Variants in TLN2 observed in about 807,000 individuals in gnomAD.
TLN2 encodes the protein talin 2.
In TLN2, 118 loss-of-function variants were observed where a neutral mutation model predicts 294.7. That is an observed-to-expected ratio of 0.40 (90% CI 0.34 to 0.47). The LOEUF (loss-of-function observed/expected upper bound fraction) is 0.47, where lower values mean the gene tolerates loss of function less well. Ranked by LOEUF, TLN2 falls within the 20% of genes least tolerant of loss-of-function variation. The probability of loss-of-function intolerance (pLI) is 0.84; values close to 1 mark genes in which losing one functional copy is unlikely to be tolerated. For synonymous variants in TLN2, 1,431 were observed against 1,304.5 expected (o/e 1.10, Z -2.09); for missense variants, 3,083 against 3,282.2 (o/e 0.94, Z 1.48).
chr15:62,718,624 A>G (rs2059931951), intron 24 of TLN2, among the ~76,000 whole-genome samples: 1 of 152,192 alleles, frequency 6.6e-6, no homozygotes. Context: ...GTGACATAGT[A>G]GGGTCCTGGG....
intron 1 of TLN2, among the ~76,000 whole-genome samples, chr15:62,430,811 C>T (rs755052577): frequency 6.6e-6 from 1 of 151,566 alleles, no homozygotes; most frequent in Non-Finnish European, 1.5e-5. Flanking sequence ...GTGAGTAATT[C>T]AGGATAAATT....
chr15:62,797,454 C>G (rs777609926), intron 48 of TLN2, 52 bp downstream of exon 48: 1 of 1,515,764 alleles, frequency 6.6e-7, no homozygotes, highest in South Asian at 1.3e-5. Context: ...GTGAACGCTG[C>G]ACATCGGGCC....
At chr15:62,463,747 CG>C (rs1200676492) in intron 1 of TLN2, among the ~76,000 whole-genome samples, 2 of 152,084 alleles carry the variant, frequency 1.3e-5, no homozygotes, top group Non-Finnish European at 2.9e-5. Flanking sequence ...ATTAGCCAGG[CG>C]TGGTGGTGGG....
At chr15:62,833,132 C>G (rs1378000491) in intron 54 of TLN2, 1 of 155,668 alleles carries the variant, frequency 6.4e-6, no homozygotes, top group African/African-American at 2.4e-5. Context: ...TGCTGTTGTA[C>G]AACAGTGTCA....
chr15:62,441,407 T>G (rs1041063489), intron 1 of TLN2, among the ~76,000 whole-genome samples: 10 of 152,220 alleles, frequency 6.6e-5, no homozygotes, highest in African/African-American at 1.7e-4. Flanking sequence ...TTTTAACTTG[T>G]GTGAGCTTCA....
chr15:62,620,827 CTTTCTTTTTCTTTTTTTTT>C (rs1567204719), intron 3 of TLN2, among the ~76,000 whole-genome samples: 3 of 120,640 alleles, frequency 2.5e-5, no homozygotes, highest in African/African-American at 1.1e-4. Flanking sequence ...TTTTTTTTTT[CTTTCTTTTTCTTTTTTTTT>C]TTTTTTTTTT....
intron 1 of TLN2, among the ~76,000 whole-genome samples, chr15:62,435,637 G>A (rs2035250131): frequency 6.6e-6 from 1 of 152,170 alleles, no homozygotes. Context: ...TGCCTCCCGG[G>A]TTCGAGCAAC....
chr15:62,825,915 C>A (rs2068152814), intron 54 of TLN2, among the ~76,000 whole-genome samples: 1 of 130,698 alleles, frequency 7.7e-6, no homozygotes, highest in Non-Finnish European at 1.5e-5. Context: ...CGCCTGTAGT[C>A]CCAGCTACTC....
At chr15:62,665,298 C>T (rs900665189) in intron 9 of TLN2, among the ~76,000 whole-genome samples, 5 of 152,178 alleles carry the variant, frequency 3.3e-5, no homozygotes, top group African/African-American at 4.8e-5. Context: ...GATCCACCCT[C>T]TTCAGCCTCC....
chr15:62,563,613 C>G (rs1012204041), intron 1 of TLN2, among the ~76,000 whole-genome samples: 1 of 152,118 alleles, frequency 6.6e-6, no homozygotes, highest in African/African-American at 2.4e-5. Context: ...ACCTGTTTAT[C>G]TTTGTTTTTA....
chr15:62,599,385 T>G (rs2140772990), intron 2 of TLN2, among the ~76,000 whole-genome samples: 1 of 152,330 alleles, frequency 6.6e-6, no homozygotes, highest in African/African-American at 2.4e-5. Context: ...TTGAAATTTT[T>G]TATATTGATT....
At position 62,761,822 on chromosome 15, in the gene TLN2, GTAGGGAGTGTT is replaced by G; in HGVS notation, c.4779+4_4779+14del. 3.1e-6 allele frequency: 5 copies of G among 1,614,040 alleles called. No individual in the cohort carries two copies. Among genetic ancestry groups the G allele is most frequent in the Non-Finnish European group, 3.4e-6 (4 of 1,179,970 alleles). On this transcript the variant is annotated splice_donor_variant and splice_donor_5th_base_variant and intron_variant, in intron 38 of 58. Transcript: ENST00000636159. LOFTEE classifies it high-confidence loss of function. ...CATTCCTGCCCAGATCAGCTCCGAG[GTAGGGAGTGTT>G]TACAGGAACATCATACTAAGGTCTT... is the stretch of plus-strand genomic sequence containing the variant.
At chr15:62,584,836 T>G (rs1434355278) in intron 1 of TLN2, among the ~76,000 whole-genome samples, 1 of 152,234 alleles carries the variant, frequency 6.6e-6, no homozygotes, top group Non-Finnish European at 1.5e-5. Context: ...GTAGTAAATG[T>G]GTCAAAAATT....
At chr15:62,525,343 T>G (rs2040680609) in intron 1 of TLN2, among the ~76,000 whole-genome samples, 1 of 152,236 alleles carries the variant, frequency 6.6e-6, no homozygotes. Flanking sequence ...TTGAGATGAT[T>G]TAAAACCAGC....
rs1272867189 is a variant in TLN2 at position 62,843,049 on chromosome 15, A to C, written c.*2439A>C. On this transcript the variant is annotated 3_prime_UTR_variant, in exon 59 of 59. Transcript: ENST00000636159. ...ACTGAGGGGGCCTTCTGGTCCTTCA[A>C]AGGAAAATAACACAGGCATGAGTTC... 6.6e-6 allele frequency: 1 copy of C among 152,248 alleles called. No homozygotes were observed. The highest frequency in any genetic ancestry group is 2.4e-5 in the African/African-American group (1 of 41,466). The allele number at this position is 152,248 out of a possible 1,614,324, so 9.4% of individuals were successfully genotyped here. A position where few individuals can be genotyped will look rare whatever the true frequency, so the allele number is the denominator to read the frequency against.
intron 34 of TLN2, 104 bp downstream of exon 34, chr15:62,750,595 C>T (rs1342948689): frequency 8.9e-5 from 86 of 961,088 alleles, no homozygotes; most frequent in East Asian, 2.4e-5. Context: ...GTCTGCAGGG[C>T]TAGCCACATG....
At chr15:62,527,183 G>A (rs958661734) in intron 1 of TLN2, among the ~76,000 whole-genome samples, 3 of 152,116 alleles carry the variant, frequency 2.0e-5, no homozygotes, top group African/African-American at 7.2e-5. Context: ...ACACGGTGTC[G>A]GGTGTTTGGT....
At chr15:62,580,425 T>TCCCTCCC (rs1555434887) in intron 1 of TLN2, among the ~76,000 whole-genome samples, 8 of 105,474 alleles carry the variant, frequency 7.6e-5, no homozygotes, top group South Asian at 3.4e-4. Flanking sequence ...CCTCCCTCCC[T>TCCCTCCC]TCCTTCCCAT....
Position 62,697,876 on chromosome 15 carries a change from T to A in TLN2, c.1473+8T>A. The A allele has an allele frequency of 2.5e-6, 4 of 1,610,376 alleles. No homozygotes were observed. Among genetic ancestry groups the A allele is most frequent in the Non-Finnish European group, 3.4e-6 (4 of 1,179,030 alleles). On this transcript the variant is annotated splice_region_variant and intron_variant, in intron 15 of 58. Coordinates refer to ENST00000636159, the MANE Select transcript of TLN2 (RefSeq NM_015059.3). ...GGCCACATGCCGCCACTGGTGAGGC[T>A]TCCTGTGCTCGTCCCCCACTCGTTA...
Sources: gnomAD v4.1 joint callset for allele counts (sites outside exome capture counted in the v4.1 genomes callset) on GRCh38, gnomAD v4.1.1 for gene constraint, MANE v1.5 for transcripts, NCBI Gene and HGNC (gene_info 2026-07-23, HGNC 2026-07-21) for gene names.